KIAA0825: variants seen among roughly 807,000 people sequenced by gnomAD.
The protein encoded by KIAA0825 is uncharacterized protein KIAA0825.
In KIAA0825, 119 loss-of-function variants were observed where a neutral mutation model predicts 147.6. The ratio of observed to expected loss-of-function variants is 0.81; its 90% CI spans 0.69 to 0.94. The LOEUF is 0.94. Among genes scored for constraint, KIAA0825 ranks in the 40% least tolerant of loss-of-function variants. The pLI is 0.00. For missense variants in KIAA0825, 1,381 were observed against 1,472.7 expected (o/e 0.94, Z 1.02); for synonymous variants, 470 against 518.1 (o/e 0.91, Z 1.26).
At position 94,417,354 on chromosome 5, in the gene KIAA0825, C is replaced by T. The variant is rs1160321879; in HGVS notation, c.2509G>A (p.Asp837Asn). ...ILLKSSKQVS[D>N]TENNLNQGPS... ...CCTTGGTTCAGGTTATTTTCTGTGTCGGAAACTTGTTCTTGAAAGGTACGT... is the reference window on the plus strand; with the variant it reads ...CCTTGGTTCAGGTTATTTTCTGTGTTGGAAACTTGTTCTTGAAAGGTACGT... Residue 837 changes from aspartate to asparagine, a missense_variant, in exon 15 of 21, where the codon GAC (aspartate) becomes AAC (asparagine). Coordinates refer to ENST00000682413, the MANE Select transcript of KIAA0825 (RefSeq NM_001145678.3). 17 of 1,541,528 alleles carry T rather than the reference C, an allele frequency of 1.1e-5. No homozygotes were observed. Among genetic ancestry groups the T allele is most frequent in the Non-Finnish European group, 1.1e-5 (13 of 1,139,168 alleles).
chr5:94,513,174 T>G (rs1403984828), intron 5 of KIAA0825, among the ~76,000 whole-genome samples: 1 of 152,164 alleles, frequency 6.6e-6, no homozygotes, highest in Non-Finnish European at 1.5e-5. Flanking sequence ...CATTTGGATC[T>G]TAAAATGTTA....
At position 94,473,430 on chromosome 5, in the gene KIAA0825, A is replaced by G; in HGVS notation, c.1317T>C (p.Phe439=). ...AHCVVTAIEG[F]STKILQQEQN... is the part of the protein sequence containing the mutation. The stretch of plus-strand genomic sequence containing the variant: ...GTTCCTGTTGGAGAATTTTTGTGGA[A>G]AAACCTTCAATTGCAGTTACTACGC... Residue 439 remains phenylalanine, a synonymous_variant, in exon 8 of 21, where the codon TTT becomes TTC. Coordinates refer to ENST00000682413, the MANE Select transcript of KIAA0825 (RefSeq NM_001145678.3). 1 of 1,551,996 alleles carries G rather than the reference A, an allele frequency of 6.4e-7. No homozygotes were observed. The highest frequency in any genetic ancestry group is 1.2e-5 in the South Asian group (1 of 84,062).
intron 20 of KIAA0825, among the ~76,000 whole-genome samples, chr5:94,310,889 A>C (rs1185837430): frequency 2.6e-5 from 4 of 151,718 alleles, no homozygotes; most frequent in Non-Finnish European, 5.9e-5. Context: ...GACAGCCATA[A>C]GATTTTCATA....
rs373343570 is a variant in KIAA0825 at position 94,393,130 on chromosome 5, A to G, written c.3297-1436T>C. Among the ~76,000 whole-genome samples the G allele has an allele frequency of 2.9e-4, 44 of 152,314 alleles. 2 individuals are homozygous for G. In the East Asian group the frequency reaches 5.4e-3, roughly 19 times the overall value. On this transcript the variant is annotated intron_variant, in intron 17 of 20. Coordinates refer to ENST00000682413, the MANE Select transcript of KIAA0825 (RefSeq NM_001145678.3). ...GCAGGTGAAGCAAATGATTGGATTCAGTCAATGCTATGATTAATGAGTTCC... is the reference window on the plus strand; with the variant it reads ...GCAGGTGAAGCAAATGATTGGATTCGGTCAATGCTATGATTAATGAGTTCC...
At chr5:94,363,593 T>C (rs1025630224) in intron 20 of KIAA0825, among the ~76,000 whole-genome samples, 1 of 152,206 alleles carries the variant, frequency 6.6e-6, no homozygotes, top group Non-Finnish European at 1.5e-5. Flanking sequence ...TTTAAAGTTT[T>C]TAATAAATGG....
chr5:94,523,125 C>G (rs1768541632), intron 4 of KIAA0825, among the ~76,000 whole-genome samples: 1 of 151,600 alleles, frequency 6.6e-6, no homozygotes, highest in South Asian at 2.1e-4. Context: ...CTATTTTCAT[C>G]TGATTCTGTC....
intron 20 of KIAA0825, among the ~76,000 whole-genome samples, chr5:94,168,167 T>C (rs1226088031): frequency 6.6e-6 from 1 of 152,002 alleles, no homozygotes; most frequent in Non-Finnish European, 1.5e-5. Context: ...CTTGCCATCA[T>C]GAATTAGTAA....
intron 20 of KIAA0825, among the ~76,000 whole-genome samples, chr5:94,294,820 G>A (rs1778064164): frequency 6.6e-6 from 1 of 152,224 alleles, no homozygotes; most frequent in Non-Finnish European, 1.5e-5. Context: ...CCCTTTGTGG[G>A]TAACCCAACC....
chr5:94,410,639 T>C (rs1752634740), intron 15 of KIAA0825, among the ~76,000 whole-genome samples: 2 of 152,306 alleles, frequency 1.3e-5, no homozygotes, highest in Admixed American at 1.3e-4. Context: ...TGTAAATATT[T>C]CCACTGATTT....
intron 20 of KIAA0825, among the ~76,000 whole-genome samples, chr5:94,282,068 T>G (rs1249708451): frequency 6.6e-6 from 1 of 152,172 alleles, no homozygotes; most frequent in Non-Finnish European, 1.5e-5. Flanking sequence ...TATTCTTGTC[T>G]TTTGGAAGAT....
chr5:94,594,955 G>A (rs1456345347), intron 1 of KIAA0825, among the ~76,000 whole-genome samples: 2 of 152,016 alleles, frequency 1.3e-5, no homozygotes, highest in Non-Finnish European at 2.9e-5. Flanking sequence ...TGATGTAAGA[G>A]GTGGGCTCCC....
At chr5:94,573,282 T>TA (rs201502130) in intron 2 of KIAA0825, among the ~76,000 whole-genome samples, 53 of 150,438 alleles carry the variant, frequency 3.5e-4, no homozygotes, top group African/African-American at 1.1e-3. Context: ...TTTTTTTTTT[T>TA]TTTTTTGAGA....
At position 94,433,423 on chromosome 5, in the gene KIAA0825, T is replaced by G. The variant is rs1342692325; in HGVS notation, c.2497+6559A>C. On this transcript the variant is annotated intron_variant, in intron 14 of 20. Coordinates refer to ENST00000682413, the MANE Select transcript of KIAA0825 (RefSeq NM_001145678.3). ...TTTTCTTTGTTATCTTTAGGCACTT[T>G]GTCATGAGGTTAAAAAGTACAAAAG... Among the ~76,000 whole-genome samples the G allele has an allele frequency of 3.3e-5, 5 of 152,236 alleles. No individual in the cohort carries two copies. In the East Asian group the frequency reaches 7.7e-4, roughly 23 times the overall value.
intron 2 of KIAA0825, among the ~76,000 whole-genome samples, chr5:94,558,079 A>C (rs182820569): frequency 6.6e-6 from 1 of 152,276 alleles, no homozygotes; most frequent in East Asian, 1.9e-4. Flanking sequence ...AACACTAGTC[A>C]CTTCGTTCCA....
intron 20 of KIAA0825, among the ~76,000 whole-genome samples, chr5:94,202,904 C>G (rs550851737): frequency 1.3e-5 from 2 of 152,240 alleles, no homozygotes; most frequent in African/African-American, 4.8e-5. Context: ...GCCTTTTGTT[C>G]TGAGATGGTG....
At chr5:94,484,980 G>T in intron 5 of KIAA0825, 50 bp from the exon 6 acceptor site, 1 of 1,238,058 alleles carries the variant, frequency 8.1e-7, no homozygotes, top group Non-Finnish European at 1.1e-6. Context: ...TACCTTCTTA[G>T]TAAATATTAG....
At chr5:94,301,659 C>A (rs920312156) in intron 20 of KIAA0825, among the ~76,000 whole-genome samples, 1 of 151,966 alleles carries the variant, frequency 6.6e-6, no homozygotes, top group Non-Finnish European at 1.5e-5. Flanking sequence ...TTTCTTCTGG[C>A]AGAAAATATC....
intron 13 of KIAA0825, among the ~76,000 whole-genome samples, chr5:94,451,552 A>T (rs1301949798): frequency 6.6e-6 from 1 of 152,178 alleles, no homozygotes; most frequent in Admixed American, 6.5e-5. Context: ...ATAATAATGG[A>T]GATTGATTGC....
chr5:94,235,731 G>A lies in KIAA0825; in HGVS notation c.3711-81607C>T, dbSNP rs569377208. On this transcript the variant is annotated intron_variant, in intron 20 of 20. Transcript: ENST00000682413. ...AAGGACAGGTTGCTTCTTTTTTTAA[G>A]GCTAATGCAGCTGGTGAGTTTAAGT... is the stretch of plus-strand genomic sequence containing the variant. 7.2e-5 allele frequency among the ~76,000 whole-genome samples: 11 copies of A among 152,256 alleles called. No homozygotes were observed. The South Asian group carries it at 2.3e-3, about 32-fold the overall frequency.
Sources: allele counts gnomAD v4.1 joint callset (sites outside exome capture counted in the v4.1 genomes callset), GRCh38; gene constraint gnomAD v4.1.1; transcripts MANE v1.5; gene names NCBI Gene and HGNC (gene_info 2026-07-23, HGNC 2026-07-21).